LDLRAD3: variants seen among roughly 807,000 people sequenced by gnomAD.
LDLRAD3 encodes low-density lipoprotein receptor class A domain-containing protein 3.
LDLRAD3 carries 20 observed loss-of-function variants against 29.4 expected under a neutral mutation model. The ratio of observed to expected loss-of-function variants is 0.68; its 90% confidence interval spans 0.48 to 0.99. LDLRAD3 has a LOEUF of 0.99. Ranked by LOEUF, LDLRAD3 falls within the 50% of genes least tolerant of loss-of-function variation. The probability of loss-of-function intolerance (pLI) is 0.00; values close to 1 mark genes in which losing one functional copy is unlikely to be tolerated. For missense variants in LDLRAD3, 420 were observed against 454.3 expected (o/e 0.92, Z 0.69); for synonymous variants, 157 against 192.7 (o/e 0.81, Z 1.53).
chr11:36,196,048 A>G (rs984817216), intron 4 of LDLRAD3, among the ~76,000 whole-genome samples: 12 of 150,112 alleles, frequency 8.0e-5, no homozygotes, highest in Non-Finnish European at 1.8e-4. Context: ...AAAAAAGCAT[A>G]CCCCATCCAA....
At chr11:36,189,168 C>G (rs1854901253) in intron 4 of LDLRAD3, among the ~76,000 whole-genome samples, 1 of 152,100 alleles carries the variant, frequency 6.6e-6, no homozygotes, top group Non-Finnish European at 1.5e-5. Context: ...CTATAAACTT[C>G]AGAACATTTT....
In LDLRAD3 at chr11:36,225,259, A is replaced by G. The variant is rs574795238; in HGVS notation, c.455-1826A>G. On this transcript the variant is annotated intron_variant, in intron 4 of 5. Transcript: ENST00000315571. ...AACAAGGACAGGGTCTTGGCCACCA[A>G]GTTTACTCACTTGAGCTGCATTTAG... is the stretch of plus-strand genomic sequence containing the variant. Among the ~76,000 whole-genome samples, 89 of 152,296 alleles carry G rather than the reference A, an allele frequency of 5.8e-4. 1 individual carries two copies. Among genetic ancestry groups the G allele is most frequent in the African/African-American group, 2.1e-3 (86 of 41,566 alleles).
At chr11:36,158,835 G>A (rs1253018967) in intron 4 of LDLRAD3, among the ~76,000 whole-genome samples, 3 of 151,976 alleles carry the variant, frequency 2.0e-5, no homozygotes, top group Non-Finnish European at 4.4e-5. Context: ...TATTTACAGG[G>A]TACAATGTGT....
rs187525186 is a variant in LDLRAD3 at position 36,082,876 on chromosome 11, T to C, written c.319+1098T>C. On this transcript the variant is annotated intron_variant, in intron 3 of 5. Transcript: ENST00000315571. ...CCAGCTCGCCCATCAGGTTGCTTCA[T>C]ACCTGCCACTGGTCACTCTGGTCAC... Among the ~76,000 whole-genome samples, 251 of 152,356 alleles carry C rather than the reference T, an allele frequency of 1.6e-3. 5 individuals are homozygous for C. The highest frequency in any genetic ancestry group is 0.015 in the Admixed American group (227 of 15,310).
At chr11:36,227,502 T>C (rs1855517699) in intron 5 of LDLRAD3, 72 bp downstream of exon 5, 1 of 1,185,874 alleles carries the variant, frequency 8.4e-7, no homozygotes, top group African/African-American at 1.5e-5. Flanking sequence ...GTGCACACAC[T>C]GAGGTTCTTA....
In LDLRAD3 at chr11:36,164,481, G is replaced by A. The variant is rs188587307; in HGVS notation, c.455-62604G>A. 1.9e-3 allele frequency among the ~76,000 whole-genome samples: 289 copies of A among 152,344 alleles called. 1 individual carries two copies. The highest frequency in any genetic ancestry group is 0.014 in the Middle Eastern group (4 of 294). Reference sequence around the variant, plus strand: ...TTTTGCTTGAACAGGGTAAAAAAGCGAGAGTTGGTAGCTTTTAAGTGTACA... The same window carrying A: ...TTTTGCTTGAACAGGGTAAAAAAGCAAGAGTTGGTAGCTTTTAAGTGTACA... On this transcript the variant is annotated intron_variant, in intron 4 of 5. Coordinates refer to ENST00000315571, the MANE Select transcript of LDLRAD3 (RefSeq NM_174902.4).
intron 4 of LDLRAD3, among the ~76,000 whole-genome samples, chr11:36,208,385 A>T (rs1855239451): frequency 6.6e-6 from 1 of 152,206 alleles, no homozygotes; most frequent in East Asian, 1.9e-4. Context: ...CCATCTAGCG[A>T]GGGCTGCTCT....
intron 1 of LDLRAD3, among the ~76,000 whole-genome samples, chr11:36,022,900 A>G (rs759168276): frequency 5.9e-5 from 9 of 152,186 alleles, no homozygotes; most frequent in Admixed American, 1.3e-4. Context: ...AGCTGCGATC[A>G]TTCAGACATG....
intron 1 of LDLRAD3, among the ~76,000 whole-genome samples, chr11:35,965,383 G>A (rs1336606389): frequency 2.0e-5 from 3 of 152,182 alleles, no homozygotes; most frequent in African/African-American, 4.8e-5. Flanking sequence ...CTTTTTCACG[G>A]ACCAGGGTGT....
At chr11:36,191,535 CCTGTCT>C (rs1554972470) in intron 4 of LDLRAD3, among the ~76,000 whole-genome samples, 1 of 53,786 alleles carries the variant, frequency 1.9e-5, no homozygotes, top group Non-Finnish European at 3.6e-5. Flanking sequence ...AGAGCAAGAC[CCTGTCT>C]CTCTCTCTCT....
intron 4 of LDLRAD3, among the ~76,000 whole-genome samples, chr11:36,175,440 G>T (rs1250555003): frequency 6.6e-6 from 1 of 152,072 alleles, no homozygotes; most frequent in African/African-American, 2.4e-5. Context: ...TTCAATGTAG[G>T]TATTTAATGC....
chr11:36,189,525 TCACCCC>T (rs1159295119), intron 4 of LDLRAD3, among the ~76,000 whole-genome samples: 2 of 145,714 alleles, frequency 1.4e-5, no homozygotes, highest in East Asian at 4.1e-4. Flanking sequence ...CCTTTAGCTA[TCACCCC>T]CTGCACCCCC....
At chr11:36,191,942 C>T (rs1854960319) in intron 4 of LDLRAD3, among the ~76,000 whole-genome samples, 2 of 152,010 alleles carry the variant, frequency 1.3e-5, no homozygotes, top group African/African-American at 2.4e-5. Context: ...TAAACTAGAA[C>T]TAAATCCTCA....
At chr11:36,080,045 C>T (rs1160641434) in intron 2 of LDLRAD3, among the ~76,000 whole-genome samples, 1 of 152,160 alleles carries the variant, frequency 6.6e-6, no homozygotes, top group African/African-American at 2.4e-5. Context: ...ACATTTCAGG[C>T]CTTAAAACCC....
intron 1 of LDLRAD3, among the ~76,000 whole-genome samples, chr11:35,982,750 C>T (rs1049025495): frequency 1.3e-5 from 2 of 151,832 alleles, no homozygotes; most frequent in African/African-American, 2.4e-5. Flanking sequence ...CTAAGGTGGC[C>T]TTTTCTTCTG....
intron 4 of LDLRAD3, among the ~76,000 whole-genome samples, chr11:36,112,458 T>G (rs1853619250): frequency 6.6e-6 from 1 of 152,194 alleles, no homozygotes; most frequent in Non-Finnish European, 1.5e-5. Flanking sequence ...TAATGTATGT[T>G]AAATTAGTTG....
intron 4 of LDLRAD3, among the ~76,000 whole-genome samples, chr11:36,105,432 C>G (rs892373387): frequency 6.6e-6 from 1 of 152,052 alleles, no homozygotes; most frequent in African/African-American, 2.4e-5. Flanking sequence ...GTCCTCCTCC[C>G]CCGCTGAAAT....
chr11:36,197,466 C>A (rs777938340), intron 4 of LDLRAD3: 3 of 152,250 alleles, frequency 2.0e-5, no homozygotes, highest in Non-Finnish European at 4.4e-5. Flanking sequence ...GGTACACAGT[C>A]TTTCTGTGCT....
Position 36,098,388 on chromosome 11 carries a change from C to T in LDLRAD3, c.381C>T (p.Asp127=), listed in dbSNP as rs966329991. 1.2e-6 allele frequency: 2 copies of T among 1,614,222 alleles called. No individual in the cohort carries two copies. The highest frequency in any genetic ancestry group is 1.3e-5 in the African/African-American group (1 of 75,070). The part of the protein sequence containing the change: ...RYHCKNGLCI[D]KSFICDGQNN... ...ACTGCAAGAACGGCCTCTGTATTGA[C>T]AAGAGCTTCATCTGCGATGGACAGA... The change falls in exon 4 of 6, where the codon GAC becomes GAT. Residue 127 remains aspartate (D), a synonymous_variant. Coordinates refer to ENST00000315571, the MANE Select transcript of LDLRAD3 (RefSeq NM_174902.4).
Sources: gnomAD v4.1 joint callset for allele counts (sites outside exome capture counted in the v4.1 genomes callset) on GRCh38, gnomAD v4.1.1 for gene constraint, MANE v1.5 for transcripts, NCBI Gene and HGNC (gene_info 2026-07-23, HGNC 2026-07-21) for gene names.